The following CRYBG3 variants were observed in gnomAD, a reference collection of about 807,000 sequenced individuals.
The protein encoded by CRYBG3 is crystallin beta-gamma domain containing 3.
Under a neutral mutation model 244.2 loss-of-function variants are expected in CRYBG3, and 127 were observed. That is an observed-to-expected ratio of 0.52 (90% CI 0.45 to 0.60). The LOEUF is 0.60. Ranked by LOEUF, CRYBG3 falls within the 20% of genes least tolerant of loss-of-function variation. The pLI, the probability that CRYBG3 is intolerant of heterozygous loss-of-function variation, is 0.00. For missense variants in CRYBG3, 3,325 were observed against 3,442.5 expected, an observed-to-expected ratio of 0.97 and a Z score of 0.85; for synonymous variants, 1,132 against 1,195.8, an observed-to-expected ratio of 0.95 and a Z score of 1.10.
intron 11 of CRYBG3, among the ~76,000 whole-genome samples, chr3:97,894,743 C>T (rs1184038654): frequency 6.6e-6 from 1 of 151,776 alleles, no homozygotes; most frequent in African/African-American, 2.4e-5. Context: ...TTTGAGTAGC[C>T]ACACTTATAT....
chr3:97,845,032 T>C (rs1230143496), intron 2 of CRYBG3, among the ~76,000 whole-genome samples: 2 of 152,208 alleles, frequency 1.3e-5, no homozygotes, highest in Non-Finnish European at 2.9e-5. Context: ...AAAAACCTTC[T>C]GGAACCTACT....
At chr3:97,886,570 T>G in intron 7 of CRYBG3, 61 bp from the exon 8 acceptor site, 14 of 1,405,326 alleles carry the variant, frequency 1.0e-5, no homozygotes, top group South Asian at 1.4e-5. Context: ...TCCAGGACAT[T>G]GAGAAGACTG....
chr3:97,934,746 G>A (rs910667193), intron 18 of CRYBG3, among the ~76,000 whole-genome samples: 1 of 152,030 alleles, frequency 6.6e-6, no homozygotes, highest in African/African-American at 2.4e-5. Context: ...ATGGTTTGAT[G>A]TTTATTCAGA....
intron 17 of CRYBG3, chr3:97,933,221 T>A: frequency 2.4e-6 from 1 of 411,096 alleles, no homozygotes; most frequent in South Asian, 1.8e-5. Context: ...TTTTTTTAAA[T>A]TAAAAATGCC....
intron 4 of CRYBG3, among the ~76,000 whole-genome samples, chr3:97,878,375 A>G (rs978042691): frequency 6.6e-6 from 1 of 152,246 alleles, no homozygotes; most frequent in African/African-American, 2.4e-5. Flanking sequence ...GCACCAGTGC[A>G]CTCCAGTCTG....
chr3:97,897,420 G>C (rs1164740463), intron 12 of CRYBG3, among the ~76,000 whole-genome samples: 1 of 151,946 alleles, frequency 6.6e-6, no homozygotes, highest in East Asian at 1.9e-4. Context: ...ACTAACTTAT[G>C]CAAGTGCTTT....
Position 97,942,416 on chromosome 3 carries a change from A to G in CRYBG3, c.8797A>G (p.Ser2933Gly), listed in dbSNP as rs368876155. Residue 2933 changes from serine (S) to glycine (G), a missense_variant, in exon 21 of 22, where the codon AGT (serine) becomes GGT (glycine). By Grantham distance (56) the Ser-to-Gly change is moderately conservative (BLOSUM62 0). This residue lies in a region of CRYBG3 where 714 missense variants were observed against 803.6 expected (regional missense o/e 0.89). Transcript: ENST00000389622. Reference protein sequence around the residue: ...NKNGTISSYLSDQLVLDVKGG... With the variant: ...NKNGTISSYLGDQLVLDVKGG... Reference sequence around the variant, plus strand: ...AAATGGAACTATCAGCTCTTATCTCAGTGATCAACTTGTCCTTGATGTTAA... The same window carrying G: ...AAATGGAACTATCAGCTCTTATCTCGGTGATCAACTTGTCCTTGATGTTAA... 10 of 1,607,008 alleles carry G rather than the reference A, an allele frequency of 6.2e-6. No individual in the cohort carries two copies. The highest frequency in any genetic ancestry group is 6.8e-6 in the Non-Finnish European group (8 of 1,174,376).
At chr3:97,919,955 A>G (rs550814393) in intron 17 of CRYBG3, among the ~76,000 whole-genome samples, 1 of 152,086 alleles carries the variant, frequency 6.6e-6, no homozygotes, top group South Asian at 2.1e-4. Context: ...TTTTTGGTTG[A>G]GATGGGGTTT....
In CRYBG3 at chr3:97,874,425, T is replaced by A; in HGVS notation, c.3231T>A (p.His1077Gln). ...PEEVSMIVNS[H>Q]KPQNNLDSIQ... The stretch of plus-strand genomic sequence containing the variant: ...AAGTTAGCATGATAGTAAATTCACA[T>A]AAGCCCCAAAATAATTTGGATTCTA... Residue 1077 changes from histidine to glutamine, a missense_variant, in exon 4 of 22, where the codon CAT (histidine) becomes CAA (glutamine). His to Gln is a conservative substitution (Grantham distance 24, BLOSUM62 0). Around this residue, in one of 4 missense-constraint regions of CRYBG3, gnomAD observed 1,526 missense variants for 1,443.2 expected, o/e 1.06. Coordinates refer to ENST00000389622, the MANE Select transcript of CRYBG3 (RefSeq NM_153605.4). The A allele has an allele frequency of 6.5e-7, 1 of 1,535,250 alleles. No individual in the cohort carries two copies.
intron 1 of CRYBG3, chr3:97,837,130 A>T (rs998081393): frequency 3.9e-5 from 6 of 152,198 alleles, no homozygotes; most frequent in African/African-American, 1.4e-4. Flanking sequence ...GCATTTTACT[A>T]CTTATGACAG....
chr3:97,873,482 T>A lies in CRYBG3; in HGVS notation c.2288T>A (p.Phe763Tyr). The change falls in exon 4 of 22, where the codon TTT (phenylalanine) becomes TAT (tyrosine). Residue 763 changes from phenylalanine (F) to tyrosine (Y), a missense_variant. Physicochemically the swap from Phe to Tyr is conservative, Grantham distance 22 (BLOSUM62 3). Transcript: ENST00000389622. ...TTAACTGGGTTGGAGCTATTGAGCT[T>A]TGACTCTGGAAACCTCTCTAAGGAT... ...PHLTGLELLS[F>Y]DSGNLSKDCS... The A allele has an allele frequency of 6.5e-7, 1 of 1,535,964 alleles. No homozygotes were observed. The highest frequency in any genetic ancestry group is 8.7e-7 in the Non-Finnish European group (1 of 1,146,802).
chr3:97,909,732 CCTT>C (rs2039839709), intron 15 of CRYBG3, among the ~76,000 whole-genome samples: 1 of 151,626 alleles, frequency 6.6e-6, no homozygotes, highest in Non-Finnish European at 1.5e-5. Context: ...TCGTCTGAAG[CCTT>C]CTTCTCTCAG....
intron 2 of CRYBG3, among the ~76,000 whole-genome samples, chr3:97,854,348 A>G (rs2039034783): frequency 6.6e-6 from 1 of 152,004 alleles, no homozygotes; most frequent in Non-Finnish European, 1.5e-5. Flanking sequence ...TTTTTGTTCC[A>G]TATGAATTTT....
At chr3:97,836,275 G>C (rs2038731577) in intron 1 of CRYBG3, among the ~76,000 whole-genome samples, 1 of 151,916 alleles carries the variant, frequency 6.6e-6, no homozygotes, top group Non-Finnish European at 1.5e-5. Flanking sequence ...CCAGATGTTT[G>C]GGCTAAAATA....
Position 97,835,001 on chromosome 3 carries a change from G to A in CRYBG3, c.150-8194G>A, listed in dbSNP as rs567874002. ...TTCTTTCAAATGATTCCCTATGGGT[G>A]TGTCTAAATATGTCTTCATGTCTAA... On this transcript the variant is annotated intron_variant, in intron 1 of 21. Transcript: ENST00000389622. 5.3e-5 allele frequency among the ~76,000 whole-genome samples: 8 copies of A among 152,222 alleles called. No individual in the cohort carries two copies. The South Asian group carries it at 1.7e-3, about 32-fold the overall frequency.
rs536278603 is a variant in CRYBG3 at position 97,834,073 on chromosome 3, G to A, written c.150-9122G>A. Reference sequence around the variant, plus strand: ...CTATTCCTAAGGGATTCACCCCCATGACCCAAACACCTCCTATTGGGCCCC... The same window carrying A: ...CTATTCCTAAGGGATTCACCCCCATAACCCAAACACCTCCTATTGGGCCCC... On this transcript the variant is annotated intron_variant, in intron 1 of 21. Coordinates refer to ENST00000389622, the MANE Select transcript of CRYBG3 (RefSeq NM_153605.4). Among the ~76,000 whole-genome samples, 4 of 152,196 alleles carry A rather than the reference G, an allele frequency of 2.6e-5. No individual in the cohort carries two copies. In the South Asian group the frequency reaches 8.3e-4, roughly 32 times the overall value.
chr3:97,926,138 A>G (rs997835936), intron 17 of CRYBG3, among the ~76,000 whole-genome samples: 2 of 152,114 alleles, frequency 1.3e-5, no homozygotes, highest in African/African-American at 4.8e-5. Flanking sequence ...TCAGGCCCAT[A>G]TGCCTGATGA....
rs779888475 is a variant in CRYBG3 at position 97,871,848 on chromosome 3, C to G, written c.654C>G (p.Ile218Met). 1 of 1,489,064 alleles carries G rather than the reference C, an allele frequency of 6.7e-7. No homozygotes were observed. The highest frequency in any genetic ancestry group is 8.9e-7 in the Non-Finnish European group (1 of 1,129,508). The allele number at this position is 1,489,064 out of a possible 1,614,324, so 92.2% of individuals were successfully genotyped here. A position where few individuals can be genotyped will look rare whatever the true frequency, so the allele number is the denominator to read the frequency against. ...DQETTNLLKQIDGKPEKPSVT... is the reference protein window; with the variant it reads ...DQETTNLLKQMDGKPEKPSVT... ...TCATGCTTTCTTTTTACAGACAAATCGATGGTAAACCAGAGAAGCCTTCAG... is the reference window on the plus strand; with the variant it reads ...TCATGCTTTCTTTTTACAGACAAATGGATGGTAAACCAGAGAAGCCTTCAG... The change falls in exon 4 of 22, where the codon ATC (isoleucine) becomes ATG (methionine). Residue 218 changes from isoleucine (I) to methionine (M), a missense_variant. By Grantham distance (10) the Ile-to-Met change is conservative. Coordinates refer to ENST00000389622, the MANE Select transcript of CRYBG3 (RefSeq NM_153605.4).
chr3:97,881,907 A>G (rs1427243522), intron 7 of CRYBG3, among the ~76,000 whole-genome samples: 1 of 151,410 alleles, frequency 6.6e-6, no homozygotes, highest in Admixed American at 6.6e-5. Flanking sequence ...ACTCCTAGTA[A>G]TATATAATAG....
Sources: gnomAD v4.1 joint callset for allele counts (sites outside exome capture counted in the v4.1 genomes callset) on GRCh38, gnomAD v4.1.1 for gene constraint, gnomAD v4.1.1 regional missense constraint, MANE v1.5 for transcripts, NCBI Gene and HGNC (gene_info 2026-07-23, HGNC 2026-07-21) for gene names.